Variants in VPS13A observed in about 807,000 individuals in gnomAD.
VPS13A encodes intermembrane lipid transfer protein VPS13A.
VPS13A carries 264 observed loss-of-function variants against 390.9 expected under a neutral mutation model. The observed-to-expected ratio is 0.68, with a 90% CI of 0.61 to 0.75. The LOEUF (loss-of-function observed/expected upper bound fraction) is 0.75. VPS13A is among the 30% of genes least tolerant of loss of function. The pLI, the probability that VPS13A is intolerant of heterozygous loss-of-function variation, is 0.00. For missense variants in VPS13A, 3,409 were observed against 3,733.9 expected, an observed-to-expected ratio of 0.91 and a Z score of 2.27; for synonymous variants, 1,231 against 1,227.1, an observed-to-expected ratio of 1.00 and a Z score of -0.07.
At chr9:77,358,042 G>T (rs1831918331) in intron 56 of VPS13A, among the ~76,000 whole-genome samples, 1 of 139,366 alleles carries the variant, frequency 7.2e-6, no homozygotes, top group Non-Finnish European at 1.5e-5. Flanking sequence ...TGCAAACCCT[G>T]CCTCCCAGGT....
intron 19 of VPS13A, among the ~76,000 whole-genome samples, chr9:77,238,927 G>A (rs1035860261): frequency 6.6e-6 from 1 of 151,926 alleles, no homozygotes; most frequent in Non-Finnish European, 1.5e-5. Context: ...GTAATTGGTT[G>A]GGACTTGTTT....
chr9:77,284,525 G>T (rs1186444048), intron 31 of VPS13A, among the ~76,000 whole-genome samples: 1 of 152,000 alleles, frequency 6.6e-6, no homozygotes, highest in Non-Finnish European at 1.5e-5. Flanking sequence ...GGTTTTATTT[G>T]CTTCTATTGC....
chr9:77,293,923 A>G (rs1331858415), intron 32 of VPS13A, among the ~76,000 whole-genome samples: 2 of 152,114 alleles, frequency 1.3e-5, no homozygotes, highest in Non-Finnish European at 2.9e-5. Flanking sequence ...AATTTTCTAG[A>G]GACAAGGTCT....
chr9:77,282,039 A>G (rs1482162456), intron 28 of VPS13A, 82 bp from the exon 29 acceptor site: 1 of 1,432,188 alleles, frequency 7.0e-7, no homozygotes, highest in Non-Finnish European at 9.8e-7. Context: ...TATATCCTTT[A>G]TGCCACAAAG....
intron 20 of VPS13A, among the ~76,000 whole-genome samples, chr9:77,248,001 G>A (rs1824922882): frequency 6.6e-6 from 1 of 151,828 alleles, no homozygotes; most frequent in South Asian, 2.1e-4. Context: ...AGTTGTGCTT[G>A]AGAAGCTTAT....
At chr9:77,401,327 AGTTGTGTGTGTG>A (rs1439179906) in intron 68 of VPS13A, among the ~76,000 whole-genome samples, 1 of 108,652 alleles carries the variant, frequency 9.2e-6, no homozygotes, top group Non-Finnish European at 1.9e-5. Flanking sequence ...GATCACATGA[AGTTGTGTGTGTG>A]TGTGTGTGTG....
intron 67 of VPS13A, 81 bp downstream of exon 67, chr9:77,371,230 C>A: frequency 1.9e-6 from 3 of 1,582,724 alleles, no homozygotes; most frequent in South Asian, 2.3e-5. Context: ...TGGCTTCAGG[C>A]ATTTAGTTAT....
At chr9:77,218,937 T>C (rs1564639049) in intron 10 of VPS13A, among the ~76,000 whole-genome samples, 1 of 152,084 alleles carries the variant, frequency 6.6e-6, no homozygotes, top group Non-Finnish European at 1.5e-5. Context: ...GTTCAGCTCC[T>C]TAGGGGCACT....
chr9:77,307,014 C>G (rs1219013477), intron 34 of VPS13A, among the ~76,000 whole-genome samples: 9 of 150,462 alleles, frequency 6.0e-5, no homozygotes. Context: ...TCAAACAATT[C>G]TCCTGCTTCA....
intron 17 of VPS13A, among the ~76,000 whole-genome samples, chr9:77,229,744 A>G (rs749714742): frequency 6.6e-6 from 1 of 152,032 alleles, no homozygotes; most frequent in Admixed American, 6.6e-5. Flanking sequence ...CATGAGTAAT[A>G]TTTTGTTTGG....
rs367906505 is a variant in VPS13A at position 77,238,198 on chromosome 9, A to G, written c.1785+7A>G. 345 of 1,611,282 alleles carry G rather than the reference A, an allele frequency of 2.1e-4. 1 individual carries two copies. The highest frequency in any genetic ancestry group is 2.8e-4 in the Non-Finnish European group (328 of 1,177,696). On this transcript the variant is annotated splice_region_variant and intron_variant, in intron 18 of 71. Transcript: ENST00000360280. ...AGAAATCATATATGATGCAGTAAGC[A>G]TTTTTTTAAATTACTAAGTTTTAAT...
At chr9:77,339,412 T>G in intron 47 of VPS13A, 104 bp from the exon 48 acceptor site, 1 of 1,178,750 alleles carries the variant, frequency 8.5e-7, no homozygotes, top group Non-Finnish European at 1.2e-6. Flanking sequence ...GATAGGTATT[T>G]CAAAAGCATT....
At chr9:77,314,318 ATAAAT>A (rs1215744529) in intron 36 of VPS13A, among the ~76,000 whole-genome samples, 172 bp from the exon 37 acceptor site, 1 of 152,162 alleles carries the variant, frequency 6.6e-6, no homozygotes, top group Non-Finnish European at 1.5e-5. Flanking sequence ...AATGTGAAAA[ATAAAT>A]TGTAAAATTA....
intron 3 of VPS13A, among the ~76,000 whole-genome samples, chr9:77,202,606 A>C (rs1461585202): frequency 6.6e-6 from 1 of 152,132 alleles, no homozygotes; most frequent in Non-Finnish European, 1.5e-5. Context: ...AACTTTTACC[A>C]AAGGTCATTG....
At chr9:77,306,270 A>G (rs1698481950) in intron 34 of VPS13A, among the ~76,000 whole-genome samples, 1 of 152,156 alleles carries the variant, frequency 6.6e-6, no homozygotes, top group African/African-American at 2.4e-5. Context: ...TGGGATTCAA[A>G]TTATCTCCTT....
Position 77,197,031 on chromosome 9 carries a change from A to G in VPS13A, c.101-2914A>G, listed in dbSNP as rs73464067. On this transcript the variant is annotated intron_variant, in intron 1 of 71. Coordinates refer to ENST00000360280, the MANE Select transcript of VPS13A (RefSeq NM_033305.3). ...TTTTTTTGTCTTTTTGATGATAGCCAGTCTAATAGGTTGAGGTAATATCTT... is the reference window on the plus strand; with the variant it reads ...TTTTTTTGTCTTTTTGATGATAGCCGGTCTAATAGGTTGAGGTAATATCTT... 7.7e-3 allele frequency among the ~76,000 whole-genome samples: 1,178 copies of G among 152,290 alleles called. 16 individuals are homozygous for G. Among genetic ancestry groups the G allele is most frequent in the African/African-American group, 0.027 (1,104 of 41,562 alleles).
intron 17 of VPS13A, among the ~76,000 whole-genome samples, chr9:77,229,761 G>A (rs887673845): frequency 6.6e-6 from 1 of 152,106 alleles, no homozygotes; most frequent in Non-Finnish European, 1.5e-5. Context: ...TTGGAGGTGG[G>A]TTTTAATTTT....
At chr9:77,384,797 A>G in intron 68 of VPS13A, 1 of 1,498,998 alleles carries the variant, frequency 6.7e-7, no homozygotes, top group East Asian at 2.5e-5. Context: ...TTCTTTTAAA[A>G]TGTTTTCCTA....
intron 33 of VPS13A, 30 bp downstream of exon 33, chr9:77,295,876 A>G (rs962709994): frequency 6.2e-7 from 1 of 1,608,092 alleles, no homozygotes; most frequent in Non-Finnish European, 8.5e-7. Flanking sequence ...ATTTGTGTGG[A>G]ATGCAATATT....
Sources: gnomAD v4.1 joint callset for allele counts (sites outside exome capture counted in the v4.1 genomes callset) on GRCh38, gnomAD v4.1.1 for gene constraint, MANE v1.5 for transcripts, NCBI Gene and HGNC (gene_info 2026-07-23, HGNC 2026-07-21) for gene names.